Variants in CMTM1 observed in about 807,000 individuals in gnomAD.
CMTM1 encodes the protein CKLF like MARVEL transmembrane domain containing 1, also known as CKLF-like MARVEL transmembrane domain-containing protein 1.
CMTM1 carries 16 observed loss-of-function variants against 17.8 expected under a neutral mutation model. That is an observed-to-expected ratio of 0.90 (90% CI 0.61 to 1.37). CMTM1 has a LOEUF of 1.37. Among genes scored for constraint, CMTM1 ranks in the 40% most tolerant of loss-of-function variants. CMTM1 has a pLI of 0.00. For missense variants in CMTM1, 354 were observed against 375.6 expected (o/e 0.94, Z 0.47); for synonymous variants, 169 against 154.6 (o/e 1.09, Z -0.69).
At chr16:66,572,325 A>C (rs2013667435) in intron 2 of CMTM1, among the ~76,000 whole-genome samples, 2 of 152,226 alleles carry the variant, frequency 1.3e-5, no homozygotes, top group South Asian at 4.1e-4. Flanking sequence ...TCATCAAAAC[A>C]GGACCCAAAT....
In CMTM1 at chr16:66,566,825, CTT is replaced by C; in HGVS notation, c.313_314del (p.Leu105LysfsTer2). The C allele has an allele frequency of 6.2e-7, 1 of 1,612,308 alleles. No individual in the cohort carries two copies. The highest frequency in any genetic ancestry group is 8.5e-7 in the Non-Finnish European group (1 of 1,179,954). On this transcript the variant is annotated frameshift_variant, in exon 1 of 4. Coordinates refer to ENST00000379500, the MANE Select transcript of CMTM1 (RefSeq NM_052999.4). LOFTEE classifies it high-confidence loss of function. The surrounding 1 kb of genome is among the most constrained non-coding windows in gnomAD (Gnocchi z 4.9). Reference sequence around the variant, plus strand: ...CCTCTGCACACACTGAATCCAAACTCTTAAATGAGATGGCGATCAAAGAGCGC... The same window carrying C: ...CCTCTGCACACACTGAATCCAAACTCAAATGAGATGGCGATCAAAGAGCGC... ...TPSAHTESKL[L>X]NEMAIKERVE...
intron 1 of CMTM1, 84 bp from the exon 2 acceptor site, chr16:66,569,852 C>T: frequency 9.9e-7 from 1 of 1,009,802 alleles, no homozygotes; most frequent in Non-Finnish European, 1.5e-6. Context: ...GGCCACTGTA[C>T]TGTGATATAA....
intron 3 of CMTM1, 94 bp from the exon 4 acceptor site, chr16:66,578,737 C>T: frequency 6.6e-7 from 1 of 1,522,216 alleles, no homozygotes; most frequent in Non-Finnish European, 8.9e-7. Flanking sequence ...CCACCCGCAG[C>T]GCCCACCCTG....
intron 2 of CMTM1, among the ~76,000 whole-genome samples, chr16:66,576,789 C>T (rs1267062027): frequency 6.6e-6 from 1 of 152,078 alleles, no homozygotes; most frequent in Non-Finnish European, 1.5e-5. Flanking sequence ...TGGGATAGGC[C>T]CCTTGACCAC....
intron 3 of CMTM1, among the ~76,000 whole-genome samples, chr16:66,577,949 A>G (rs1016522398): frequency 1.5e-4 from 23 of 152,240 alleles, no homozygotes; most frequent in African/African-American, 4.6e-4. Context: ...AATCCCATTG[A>G]TTGTGCCAGA....
rs755271934 is a variant in CMTM1 at position 66,566,551 on chromosome 16, C to T, written c.38C>T (p.Ala13Val). Residue 13 changes from alanine (A) to valine (V), a missense_variant, in exon 1 of 4, where the codon GCA becomes GTA. Physicochemically the swap from Ala to Val is moderately conservative, Grantham distance 64. Coordinates refer to ENST00000379500, the MANE Select transcript of CMTM1 (RefSeq NM_052999.4). The surrounding 1 kb of genome is among the most constrained non-coding windows in gnomAD (Gnocchi z 4.9). Reference protein sequence around the residue: ...PEHAKPESSEAPSGNLKQPET... With the variant: ...PEHAKPESSEVPSGNLKQPET... ...CACGCCAAACCTGAGTCATCCGAGG[C>T]ACCTTCAGGGAACTTGAAACAACCG... 4 of 1,613,288 alleles carry T rather than the reference C, an allele frequency of 2.5e-6. No individual in the cohort carries two copies. The South Asian group carries it at 4.4e-5, about 18-fold the overall frequency.
intron 2 of CMTM1, chr16:66,575,470 T>C (rs1452525849): frequency 6.5e-6 from 1 of 153,306 alleles, no homozygotes; most frequent in African/African-American, 2.4e-5. Flanking sequence ...CTGTATCATT[T>C]TGACCCTCCA....
In CMTM1 at chr16:66,571,093, T is replaced by G. The variant is rs552838834; in HGVS notation, c.591+999T>G. The G allele has an allele frequency of 1.6e-4, 70 of 447,104 alleles. No individual in the cohort carries two copies. In the East Asian group the frequency reaches 3.5e-3, roughly 22 times the overall value. The allele number at this position is 447,104 out of a possible 1,614,324, so 27.7% of individuals were successfully genotyped here. On this transcript the variant is annotated intron_variant, in intron 2 of 3. Coordinates refer to ENST00000379500, the MANE Select transcript of CMTM1 (RefSeq NM_052999.4). ...AACTCAAACATTGTCTTCAAATCTG[T>G]GAGAGATTTTCTCAAAGGCTGCTGA...
At chr16:66,574,831 A>C (rs1340797854) in intron 2 of CMTM1, 1 of 467,820 alleles carries the variant, frequency 2.1e-6, no homozygotes, top group African/African-American at 2.1e-5. Context: ...TGGCCAACAG[A>C]GAGCAATTTT....
intron 2 of CMTM1, among the ~76,000 whole-genome samples, chr16:66,570,537 C>T (rs1354962132): frequency 6.6e-6 from 1 of 152,098 alleles, no homozygotes; most frequent in Non-Finnish European, 1.5e-5. Flanking sequence ...TTGTAGTCAA[C>T]CTGTGTGTGT....
At chr16:66,567,269 C>G in intron 1 of CMTM1, 2 of 416,246 alleles carry the variant, frequency 4.8e-6, no homozygotes, top group Non-Finnish European at 8.8e-6. Context: ...CAACTCGTCA[C>G]CTACATTAGG....
chr16:66,569,366 G>A (rs538625784), intron 1 of CMTM1, among the ~76,000 whole-genome samples: 2 of 152,188 alleles, frequency 1.3e-5, no homozygotes. Context: ...AGGAAGACTA[G>A]GTGAAACAAT....
intron 2 of CMTM1, among the ~76,000 whole-genome samples, chr16:66,573,882 T>C (rs185741637): frequency 0.021 from 3,214 of 152,014 alleles, 65 homozygotes; most frequent in Admixed American, 0.053. Context: ...AGACAGGGTT[T>C]CACCATGTTG....
At chr16:66,575,826 G>A (rs2014161716) in intron 2 of CMTM1, among the ~76,000 whole-genome samples, 1 of 152,224 alleles carries the variant, frequency 6.6e-6, no homozygotes, top group Non-Finnish European at 1.5e-5. Context: ...GCTGTGTTTG[G>A]ACGAGTGTGC....
chr16:66,579,133 G>A lies in CMTM1; in HGVS notation c.*132G>A. On this transcript the variant is annotated 3_prime_UTR_variant, in exon 4 of 4. Transcript: ENST00000379500. The surrounding 1 kb of genome is among the most constrained non-coding windows in gnomAD (Gnocchi z 6.5). ...AAATTAGGGCTGCTGCTTTTATCGA[G>A]AACACCTGCTTCCTCTCGTTGCCTT... 1.6e-6 allele frequency: 2 copies of A among 1,222,020 alleles called. No individual in the cohort carries two copies. The highest frequency in any genetic ancestry group is 1.1e-6 in the Non-Finnish European group (1 of 903,584). The allele number at this position is 1,222,020 out of a possible 1,614,324, so 75.7% of individuals were successfully genotyped here.
At chr16:66,571,318 A>T (rs2013499334) in intron 2 of CMTM1, 1 of 387,114 alleles carries the variant, frequency 2.6e-6, no homozygotes, top group South Asian at 1.9e-5. Context: ...ATACTTTTTC[A>T]TGTCACCTTA....
In CMTM1 at chr16:66,566,865, G is replaced by A. The variant is rs565492845; in HGVS notation, c.352G>A (p.Ala118Thr). The change falls in exon 1 of 4, where the codon GCC becomes ACC. Residue 118 changes from alanine (A) to threonine (T), a missense_variant. Coordinates refer to ENST00000379500, the MANE Select transcript of CMTM1 (RefSeq NM_052999.4). This position sits in a 1 kb window ranked among gnomAD's most constrained non-coding sequence, Gnocchi z 4.9. ...GATCAAAGAGCGCGTGGAGGGCCGA[G>A]CCAAAGTCCCGTACAAATTCAGGGA... ...MAIKERVEGR[A>T]KVPYKFRDSL... The A allele has an allele frequency of 1.2e-6, 2 of 1,613,942 alleles. No individual in the cohort carries two copies. The highest frequency in any genetic ancestry group is 2.2e-5 in the East Asian group (1 of 44,848).
At chr16:66,572,756 G>A (rs971845854) in intron 2 of CMTM1, among the ~76,000 whole-genome samples, 1 of 152,142 alleles carries the variant, frequency 6.6e-6, no homozygotes, top group African/African-American at 2.4e-5. Context: ...ATGGGATTAG[G>A]GTAAGGAGTA....
chr16:66,576,888 C>T (rs929483329), intron 2 of CMTM1, among the ~76,000 whole-genome samples: 4 of 152,020 alleles, frequency 2.6e-5, no homozygotes, highest in Admixed American at 2.6e-4. Flanking sequence ...AAAATAAACC[C>T]GTTTCTACAG....
Sources: gnomAD v4.1 joint callset for allele counts (sites outside exome capture counted in the v4.1 genomes callset) on GRCh38, gnomAD v4.1.1 for gene constraint, Gnocchi (gnomAD v3.1) non-coding constraint, MANE v1.5 for transcripts, NCBI Gene and HGNC (gene_info 2026-07-23, HGNC 2026-07-21) for gene names.